Variants in AGAP1 observed in about 807,000 individuals in gnomAD.
AGAP1 encodes the protein arf-GAP with GTPase, ANK repeat and PH domain-containing protein 1.
Under a neutral mutation model 105.3 loss-of-function variants are expected in AGAP1, and 29 were observed. That is an observed-to-expected ratio of 0.28 (90% CI 0.21 to 0.38). AGAP1 has a LOEUF of 0.38. Among genes scored for constraint, AGAP1 ranks in the 10% least tolerant of loss-of-function variants. The pLI, the probability that AGAP1 is intolerant of heterozygous loss-of-function variation, is 1.00. For synonymous variants in AGAP1, 509 were observed against 485.9 expected, an observed-to-expected ratio of 1.05 and a Z score of -0.63; for missense variants, 998 against 1,165.1, an observed-to-expected ratio of 0.86 and a Z score of 2.09.
chr2:235,578,662 G>A lies in AGAP1; in HGVS notation c.163+83813G>A, dbSNP rs1944817635. Among the ~76,000 whole-genome samples, 1 of 151,912 alleles carries A rather than the reference G, an allele frequency of 6.6e-6. No homozygotes were observed. The highest frequency in any genetic ancestry group is 2.4e-5 in the African/African-American group (1 of 41,344). On this transcript the variant is annotated intron_variant, in intron 1 of 17. Coordinates refer to ENST00000304032, the MANE Select transcript of AGAP1 (RefSeq NM_001037131.3). This position sits in a 1 kb window ranked among gnomAD's most constrained non-coding sequence, Gnocchi z 4.9. ...TAGCTGGATGTGGTGGTGTGCACCTGTAATCCCAGCTACTTGGGAGGCTGA... is the reference window on the plus strand; with the variant it reads ...TAGCTGGATGTGGTGGTGTGCACCTATAATCCCAGCTACTTGGGAGGCTGA...
intron 1 of AGAP1, among the ~76,000 whole-genome samples, chr2:235,563,121 C>T (rs1574852821): frequency 6.6e-6 from 1 of 152,232 alleles, no homozygotes; most frequent in Non-Finnish European, 1.5e-5. Flanking sequence ...AGTCTGCAAA[C>T]AGGACCTGCC....
intron 1 of AGAP1, chr2:235,670,740 G>T (rs984616764): frequency 2.2e-6 from 2 of 907,458 alleles, no homozygotes; most frequent in Non-Finnish European, 3.4e-6. Flanking sequence ...CTGGACGTGG[G>T]CGAGGTGCTC....
rs192959789 is a variant in AGAP1, at chr2:235,793,052, G to C, written c.674-4707G>C. 2.9e-4 allele frequency among the ~76,000 whole-genome samples: 44 copies of C among 152,264 alleles called. No individual in the cohort carries two copies. In the East Asian group the frequency reaches 6.6e-3, roughly 23 times the overall value. Reference sequence around the variant, plus strand: ...GGAGGAGGAAAACCAGGGACGTCAGGGTTCATGGAAGCCCGAGGAGGATGC... The same window carrying C: ...GGAGGAGGAAAACCAGGGACGTCAGCGTTCATGGAAGCCCGAGGAGGATGC... On this transcript the variant is annotated intron_variant, in intron 6 of 17. Coordinates refer to ENST00000304032, the MANE Select transcript of AGAP1 (RefSeq NM_001037131.3). The surrounding 1 kb of genome is among the most constrained non-coding windows in gnomAD (Gnocchi z 5.3).
chr2:235,553,257 G>A lies in AGAP1; in HGVS notation c.163+58408G>A, dbSNP rs1284378124. Among the ~76,000 whole-genome samples the A allele has an allele frequency of 6.6e-6, 1 of 151,712 alleles. No individual in the cohort carries two copies. Among genetic ancestry groups the A allele is most frequent in the Non-Finnish European group, 1.5e-5 (1 of 67,980 alleles). ...TAGGCTTTTTATATTAAGGGCTGGGGGAAGAGGAGGGGGTTGAGATCAAGA... is the reference window on the plus strand; with the variant it reads ...TAGGCTTTTTATATTAAGGGCTGGGAGAAGAGGAGGGGGTTGAGATCAAGA... On this transcript the variant is annotated intron_variant, in intron 1 of 17. Transcript: ENST00000304032. The surrounding 1 kb of genome is among the most constrained non-coding windows in gnomAD (Gnocchi z 4.5).
At chr2:235,683,998 G>A (rs957610256) in intron 1 of AGAP1, among the ~76,000 whole-genome samples, 2 of 152,028 alleles carry the variant, frequency 1.3e-5, no homozygotes, top group African/African-American at 4.8e-5. Flanking sequence ...ATGGTTTCCA[G>A]CTTCATCCAC....
intron 16 of AGAP1, among the ~76,000 whole-genome samples, chr2:236,115,061 C>T (rs2059737057): frequency 6.6e-6 from 1 of 152,246 alleles, no homozygotes. Context: ...TTGCGTGAAG[C>T]TCGTATGTAC....
intron 3 of AGAP1, among the ~76,000 whole-genome samples, chr2:235,738,055 C>T (rs982731274): frequency 2.7e-4 from 41 of 152,016 alleles, no homozygotes; most frequent in Middle Eastern, 3.4e-3. Flanking sequence ...GACACAGGGT[C>T]GGGACGGTGT....
intron 1 of AGAP1, among the ~76,000 whole-genome samples, chr2:235,650,689 T>C (rs1947552708): frequency 6.6e-6 from 1 of 152,202 alleles, no homozygotes; most frequent in African/African-American, 2.4e-5. Flanking sequence ...GAAAACTCAA[T>C]GTCAAAAACG....
Position 235,765,445 on chromosome 2 carries a change from C to T in AGAP1, c.673+14957C>T, listed in dbSNP as rs558941277. Among the ~76,000 whole-genome samples, 7 of 152,172 alleles carry T rather than the reference C, an allele frequency of 4.6e-5. No individual in the cohort carries two copies. The South Asian group carries it at 6.2e-4, about 14-fold the overall frequency. ...GGAACATGTGCCTGCACTTTTTAGT[C>T]GAACATGTAAATTAATCAGCAGCAG... On this transcript the variant is annotated intron_variant, in intron 6 of 17. Coordinates refer to ENST00000304032, the MANE Select transcript of AGAP1 (RefSeq NM_001037131.3).
chr2:236,011,244 G>C (rs1378999323), intron 13 of AGAP1, among the ~76,000 whole-genome samples: 1 of 152,178 alleles, frequency 6.6e-6, no homozygotes, highest in African/African-American at 2.4e-5. Flanking sequence ...GTCCTCCCAC[G>C]AGTGGCATTC....
intron 16 of AGAP1, among the ~76,000 whole-genome samples, chr2:236,093,311 T>C (rs2059111939): frequency 6.6e-6 from 1 of 152,114 alleles, no homozygotes; most frequent in African/African-American, 2.4e-5. Context: ...AGCCCAGGGA[T>C]CACTTGGTCA....
Position 235,550,879 on chromosome 2 carries a change from A to G in AGAP1, c.163+56030A>G, listed in dbSNP as rs1368634076. ...AACCTCCACCTCCTGGGTCCAAGCA[A>G]TTCTCCTGCCTCAGCCTCCTGAGTA... On this transcript the variant is annotated intron_variant, in intron 1 of 17. Transcript: ENST00000304032. This position sits in a 1 kb window ranked among gnomAD's most constrained non-coding sequence, Gnocchi z 4.6. 6.6e-6 allele frequency among the ~76,000 whole-genome samples: 1 copy of G among 151,940 alleles called. No homozygotes were observed. The highest frequency in any genetic ancestry group is 2.4e-5 in the African/African-American group (1 of 41,416).
chr2:235,775,839 A>T (rs773367436), intron 6 of AGAP1: 6 of 152,062 alleles, frequency 3.9e-5, no homozygotes, highest in Non-Finnish European at 5.9e-5. Context: ...ACATTTTAGG[A>T]ATTTCTGATA....
intron 1 of AGAP1, among the ~76,000 whole-genome samples, chr2:235,626,908 C>G (rs1946655662): frequency 6.6e-6 from 1 of 152,176 alleles, no homozygotes; most frequent in African/African-American, 2.4e-5. Context: ...TGGCCCATGG[C>G]CTGATCTCTG....
intron 16 of AGAP1, among the ~76,000 whole-genome samples, chr2:236,117,215 C>G (rs896718141): frequency 1.3e-5 from 2 of 152,230 alleles, no homozygotes; most frequent in African/African-American, 4.8e-5. Context: ...ACATTCCCAC[C>G]AGCAGCGTAG....
intron 1 of AGAP1, among the ~76,000 whole-genome samples, chr2:235,675,384 G>T (rs1237411175): frequency 6.6e-6 from 1 of 151,946 alleles, no homozygotes; most frequent in African/African-American, 2.4e-5. Context: ...GTAGAGACGG[G>T]GTTTCACTGT....
intron 16 of AGAP1, among the ~76,000 whole-genome samples, chr2:236,098,728 G>T (rs1026837657): frequency 6.7e-6 from 1 of 148,764 alleles, no homozygotes; most frequent in Admixed American, 6.8e-5. Context: ...GGGCTCAAGC[G>T]ATCCCCCTGC....
At chr2:235,869,884 G>C (rs936542155) in intron 9 of AGAP1, among the ~76,000 whole-genome samples, 1 of 152,206 alleles carries the variant, frequency 6.6e-6, no homozygotes, top group African/African-American at 2.4e-5. Context: ...CTCCCCAGTA[G>C]GATAGTCTGA....
At position 235,964,283 on chromosome 2, in the gene AGAP1, T is replaced by C. The variant is rs1287498104; in HGVS notation, c.1484-4179T>C. Among the ~76,000 whole-genome samples the C allele has an allele frequency of 6.6e-6, 1 of 152,118 alleles. No homozygotes were observed. The highest frequency in any genetic ancestry group is 2.4e-5 in the African/African-American group (1 of 41,420). On this transcript the variant is annotated intron_variant, in intron 12 of 17. Coordinates refer to ENST00000304032, the MANE Select transcript of AGAP1 (RefSeq NM_001037131.3). The surrounding 1 kb of genome is among the most constrained non-coding windows in gnomAD (Gnocchi z 4.6). Reference sequence around the variant, plus strand: ...GTAAAATAATATGATTTTAATATAATAATATTACTTAATAGCGGCCCCTGG... The same window carrying C: ...GTAAAATAATATGATTTTAATATAACAATATTACTTAATAGCGGCCCCTGG...
Sources: gnomAD v4.1 joint callset for allele counts (sites outside exome capture counted in the v4.1 genomes callset) on GRCh38, gnomAD v4.1.1 for gene constraint, Gnocchi (gnomAD v3.1) non-coding constraint, MANE v1.5 for transcripts, NCBI Gene and HGNC (gene_info 2026-07-23, HGNC 2026-07-21) for gene names.